RNF43: variants seen among roughly 807,000 people sequenced by gnomAD.
RNF43 encodes ring finger protein 43.
RNF43 carries 37 observed loss-of-function variants against 78.4 expected under a neutral mutation model. That is an observed-to-expected ratio of 0.47 (90% CI 0.36 to 0.62). The LOEUF (loss-of-function observed/expected upper bound fraction) is 0.62, where lower values mean the gene tolerates loss of function less well. Among genes scored for constraint, RNF43 ranks in the 20% least tolerant of loss-of-function variants. The pLI is 0.00. For missense variants in RNF43, 774 were observed against 1,007.9 expected (o/e 0.77, Z 3.14); for synonymous variants, 347 against 395.0 (o/e 0.88, Z 1.44).
Position 58,357,533 on chromosome 17 carries a change from C to T in RNF43, c.2243G>A (p.Ser748Asn), listed in dbSNP as rs1972712217. The T allele has an allele frequency of 6.2e-7, 1 of 1,614,238 alleles. No homozygotes were observed. Among genetic ancestry groups the T allele is most frequent in the Non-Finnish European group, 8.5e-7 (1 of 1,180,044 alleles). The change falls in exon 9 of 10, where the codon AGT becomes AAT. Residue 748 changes from serine to asparagine, a missense_variant. Ser to Asn is a conservative substitution (Grantham distance 46). Coordinates refer to ENST00000407977, the MANE Select transcript of RNF43 (RefSeq NM_017763.6). This position sits in a 1 kb window ranked among gnomAD's most constrained non-coding sequence, Gnocchi z 4.5. Reference sequence around the variant, plus strand: ...TGGCCTGCCCTCTGCGGTGTCAGAACTCCATTCAGAAGGCCCCTCCCCAGG... The same window carrying T: ...TGGCCTGCCCTCTGCGGTGTCAGAATTCCATTCAGAAGGCCCCTCCCCAGG... ...HPPGEGPSEW[S>N]SDTAEGRPCP...
intron 2 of RNF43, among the ~76,000 whole-genome samples, chr17:58,399,729 C>T (rs1292937946): frequency 6.6e-6 from 1 of 151,938 alleles, no homozygotes; most frequent in African/African-American, 2.4e-5. Flanking sequence ...GCAACCTCCA[C>T]CTCCCAGGTT....
Position 58,417,311 on chromosome 17 carries a change from C to T in RNF43, c.-680G>A, listed in dbSNP as rs752701944. 6.6e-6 allele frequency: 1 copy of T among 152,218 alleles called. No individual in the cohort carries two copies. The highest frequency in any genetic ancestry group is 1.5e-5 in the Non-Finnish European group (1 of 68,044). The allele number at this position is 152,218 out of a possible 1,614,324, so 9.4% of individuals were successfully genotyped here. On this transcript the variant is annotated 5_prime_UTR_variant, in exon 1 of 10. Transcript: ENST00000407977. ...GAAAATCCAAAATCATTTCTGAAAC[C>T]TCCTTGCTAACAAAAGTTCTTTTTT...
At chr17:58,384,256 T>C (rs1973385157) in intron 2 of RNF43, among the ~76,000 whole-genome samples, 1 of 152,104 alleles carries the variant, frequency 6.6e-6, no homozygotes, top group Non-Finnish European at 1.5e-5. Context: ...TGAATAGGAG[T>C]TCCTGTTCGC....
chr17:58,413,279 T>C (rs1974060319), intron 2 of RNF43, among the ~76,000 whole-genome samples: 1 of 152,150 alleles, frequency 6.6e-6, no homozygotes, highest in Non-Finnish European at 1.5e-5. Flanking sequence ...TTCAGAAGCT[T>C]GTTTTTTAAA....
intron 2 of RNF43, among the ~76,000 whole-genome samples, chr17:58,401,058 C>T (rs1209371596): frequency 1.5e-5 from 2 of 131,556 alleles, no homozygotes; most frequent in Non-Finnish European, 3.5e-5. Flanking sequence ...ACCTTAGGAA[C>T]TTTGCATGGT....
At chr17:58,375,395 C>T (rs548087014) in intron 2 of RNF43, among the ~76,000 whole-genome samples, 1 of 152,196 alleles carries the variant, frequency 6.6e-6, no homozygotes, top group South Asian at 2.1e-4. Context: ...GAAATAATAA[C>T]TTGTTTCATT....
intron 2 of RNF43, 35 bp downstream of exon 2, chr17:58,415,291 A>C (rs1281127122): frequency 6.2e-7 from 1 of 1,609,216 alleles, no homozygotes; most frequent in African/African-American, 1.3e-5. Context: ...TATTTCAAAC[A>C]GATGGAAAGT....
intron 2 of RNF43, among the ~76,000 whole-genome samples, chr17:58,386,730 C>T (rs1158972253): frequency 6.6e-6 from 1 of 152,216 alleles, no homozygotes; most frequent in African/African-American, 2.4e-5. Flanking sequence ...CTACCTCTTC[C>T]ATGAAGAATC....
chr17:58,404,513 A>T (rs1436274360), intron 2 of RNF43, among the ~76,000 whole-genome samples: 1 of 152,238 alleles, frequency 6.6e-6, no homozygotes, highest in South Asian at 2.1e-4. Flanking sequence ...TGTTTAATGT[A>T]TGTCATAGAG....
chr17:58,387,189 T>A (rs1973457109), intron 2 of RNF43, among the ~76,000 whole-genome samples: 2 of 152,172 alleles, frequency 1.3e-5, no homozygotes, highest in African/African-American at 4.8e-5. Context: ...ACAGAGAAGC[T>A]GAGTCAGTCT....
chr17:58,366,819 TATTATA>T (rs1213076823), intron 3 of RNF43, among the ~76,000 whole-genome samples: 4 of 152,186 alleles, frequency 2.6e-5, no homozygotes, highest in South Asian at 2.1e-4. Context: ...TTATATCAAC[TATTATA>T]ATTATAATTA....
At chr17:58,407,480 A>C (rs1051175446) in intron 2 of RNF43, among the ~76,000 whole-genome samples, 2 of 152,240 alleles carry the variant, frequency 1.3e-5, no homozygotes, top group African/African-American at 2.4e-5. Flanking sequence ...TTAGTTTTTA[A>C]ATCATTTTGG....
chr17:58,366,359 G>A (rs1305615486), intron 3 of RNF43, among the ~76,000 whole-genome samples: 2 of 152,154 alleles, frequency 1.3e-5, no homozygotes, highest in African/African-American at 2.4e-5. Context: ...TCCCCTCCAC[G>A]CACCAGGTGC....
rs368379005 is a variant in RNF43, at chr17:58,415,498, C to G, written c.80G>C (p.Arg27Pro). The change falls in exon 2 of 10, where the codon CGC becomes CCC. Residue 27 changes from arginine (R) to proline (P), a missense_variant. Coordinates refer to ENST00000407977, the MANE Select transcript of RNF43 (RefSeq NM_017763.6). ...LMATLQAGFG[R>P]TGLVLAAAVE... ...CGCTGCTGCCAGTACCAGTCCTGTG[C>G]GTCCAAAGCCTGCCTGCAGGGTAGC... 1 of 1,613,218 alleles carries G rather than the reference C, an allele frequency of 6.2e-7. No individual in the cohort carries two copies. Among genetic ancestry groups the G allele is most frequent in the Admixed American group, 1.7e-5 (1 of 60,032 alleles).
intron 9 of RNF43, among the ~76,000 whole-genome samples, chr17:58,356,140 T>C (rs1972681508): frequency 6.6e-6 from 1 of 152,196 alleles, no homozygotes; most frequent in Non-Finnish European, 1.5e-5. Context: ...TCTCTCCCCA[T>C]GGACCTGGAT....
intron 2 of RNF43, among the ~76,000 whole-genome samples, chr17:58,381,438 C>T (rs1973316178): frequency 6.6e-6 from 1 of 152,202 alleles, no homozygotes; most frequent in Admixed American, 6.5e-5. Context: ...GATTTGCCAG[C>T]AAAGAACAAG....
chr17:58,398,729 G>A (rs1973734605), intron 2 of RNF43, among the ~76,000 whole-genome samples: 1 of 152,122 alleles, frequency 6.6e-6, no homozygotes, highest in Admixed American at 6.5e-5. Context: ...AAGATATCAA[G>A]AAGTAAAGGT....
intron 2 of RNF43, among the ~76,000 whole-genome samples, chr17:58,406,297 TAATA>T (rs994322170): frequency 1.3e-5 from 2 of 152,186 alleles, no homozygotes; most frequent in African/African-American, 2.4e-5. Flanking sequence ...AAAAGGTTTA[TAATA>T]AATAAATAAA....
intron 2 of RNF43, among the ~76,000 whole-genome samples, chr17:58,408,746 G>C (rs1196190928): frequency 2.6e-5 from 4 of 152,042 alleles, no homozygotes. Flanking sequence ...AATGTGATAA[G>C]CATGTTTTAT....
Sources: allele counts gnomAD v4.1 joint callset (sites outside exome capture counted in the v4.1 genomes callset), GRCh38; gene constraint gnomAD v4.1.1; non-coding constraint Gnocchi (gnomAD v3.1); transcripts MANE v1.5; gene names NCBI Gene and HGNC (gene_info 2026-07-23, HGNC 2026-07-21).